UNC13B: variants seen among roughly 807,000 people sequenced by gnomAD.
The protein encoded by UNC13B is protein unc-13 homolog B.
In UNC13B, 144 loss-of-function variants were observed where a neutral mutation model predicts 211.0. The observed-to-expected ratio is 0.68, with a 90% CI of 0.60 to 0.78. The LOEUF (loss-of-function observed/expected upper bound fraction) is 0.78, where lower values mean the gene tolerates loss of function less well. UNC13B is among the 30% of genes least tolerant of loss of function. The pLI, the probability that UNC13B is intolerant of heterozygous loss-of-function variation, is 0.00. For missense variants in UNC13B, 1,777 were observed against 2,002.0 expected (o/e 0.89, Z 2.14); for synonymous variants, 709 against 725.8 (o/e 0.98, Z 0.37).
intron 7 of UNC13B, among the ~76,000 whole-genome samples, chr9:35,288,851 T>G (rs772129927): frequency 3.9e-5 from 6 of 152,204 alleles, no homozygotes; most frequent in Non-Finnish European, 8.8e-5. Context: ...GGCTCACAAT[T>G]GTGGTGAGAA....
chr9:35,260,289 A>C (rs752239938), intron 7 of UNC13B, among the ~76,000 whole-genome samples: 1 of 152,156 alleles, frequency 6.6e-6, no homozygotes, highest in Non-Finnish European at 1.5e-5. Flanking sequence ...TGCCATTCTG[A>C]GACTTTAAGT....
chr9:35,229,972 C>T (rs1259398415), intron 2 of UNC13B, among the ~76,000 whole-genome samples: 2 of 152,068 alleles, frequency 1.3e-5, no homozygotes, highest in East Asian at 1.9e-4. Context: ...GGATTAATTT[C>T]TTACATAGAA....
intron 11 of UNC13B, among the ~76,000 whole-genome samples, chr9:35,315,054 ATT>A (rs1156782392): frequency 2.1e-4 from 28 of 135,330 alleles, no homozygotes; most frequent in African/African-American, 3.6e-4. Context: ...TTTAAAAAAA[ATT>A]TTTTTTTTTT....
At chr9:35,349,317 G>A (rs2070510973) in intron 11 of UNC13B, among the ~76,000 whole-genome samples, 1 of 148,248 alleles carries the variant, frequency 6.7e-6, no homozygotes, top group Non-Finnish European at 1.5e-5. Context: ...GAGCAAATCA[G>A]GGATACCCAA....
chr9:35,353,472 G>C (rs1173638649), intron 11 of UNC13B: 1 of 1,232,086 alleles, frequency 8.1e-7, no homozygotes, highest in Admixed American at 4.2e-5. Context: ...GGGAGTCAGG[G>C]GAGTGAAAGC....
At chr9:35,351,574 G>C in intron 11 of UNC13B, 1 of 1,232,232 alleles carries the variant, frequency 8.1e-7, no homozygotes, top group South Asian at 4.1e-5. Context: ...TGGTTACCTT[G>C]GGACCCTCCT....
rs56280520 is a variant in UNC13B, at chr9:35,207,478, T to TTTTATTTATTTATTTA, written c.23-20516_23-20501dup. ...TGAACTCTGCAGAGAAGAAATTAAT[T>TTTTATTTATTTATTTA]TTTATTTATTTATTTATTTATTTAT... On this transcript the variant is annotated intron_variant, in intron 1 of 39. Transcript: ENST00000635942. Among the ~76,000 whole-genome samples, 981 of 143,034 alleles carry TTTTATTTATTTATTTA rather than the reference T, an allele frequency of 6.9e-3. 11 individuals carry two copies. The highest frequency in any genetic ancestry group is 0.012 in the African/African-American group (446 of 38,726). 93.8% of individuals were successfully genotyped at this position (143,034 alleles called of 152,430 possible).
rs748877214 is a variant in UNC13B at position 35,403,228 on chromosome 9, T to G, written c.12546T>G (p.Pro4182=). The G allele has an allele frequency of 6.2e-7, 1 of 1,614,186 alleles. No individual in the cohort carries two copies. Among genetic ancestry groups the G allele is most frequent in the South Asian group, 1.1e-5 (1 of 91,082 alleles). ...TTCAGGTGGACTTGTTTACACACCC[T>G]GGTACTGGGGAGCACAAGGTCACAG... ...VSIQVDLFTH[P]GTGEHKVTVK... is the part of the protein sequence containing the mutation. Residue 4182 remains proline (P), a synonymous_variant, in exon 38 of 40, where the codon CCT becomes CCG. Transcript: ENST00000635942.
intron 1 of UNC13B, among the ~76,000 whole-genome samples, chr9:35,195,640 C>T (rs1241446534): frequency 6.6e-6 from 1 of 152,168 alleles, no homozygotes; most frequent in Non-Finnish European, 1.5e-5. Context: ...CCTTTTCCTT[C>T]CAAGAAAAGG....
At chr9:35,384,459 C>T in intron 22 of UNC13B, 145 bp downstream of exon 22, 1 of 1,415,736 alleles carries the variant, frequency 7.1e-7, no homozygotes, top group East Asian at 2.4e-5. Context: ...ATGCTACTGA[C>T]ACCTGTGGTT....
At chr9:35,218,732 C>G (rs528864767) in intron 1 of UNC13B, among the ~76,000 whole-genome samples, 2 of 151,012 alleles carry the variant, frequency 1.3e-5, no homozygotes, top group Non-Finnish European at 3.0e-5. Context: ...AGTTAATGTT[C>G]GTGTTTTTCT....
At chr9:35,353,764 G>A (rs1587682819) in intron 11 of UNC13B, 3 of 1,232,084 alleles carry the variant, frequency 2.4e-6, no homozygotes, top group Non-Finnish European at 3.0e-6. Flanking sequence ...TTCTGCATGA[G>A]CTAGTACAGA....
chr9:35,309,482 G>A (rs1268366858), intron 9 of UNC13B, among the ~76,000 whole-genome samples: 2 of 152,110 alleles, frequency 1.3e-5, no homozygotes, highest in African/African-American at 4.8e-5. Context: ...TGACTCTGTG[G>A]TAAGAAAATT....
intron 10 of UNC13B, 123 bp from the exon 11 acceptor site, chr9:35,313,776 A>G: frequency 1.4e-6 from 1 of 709,736 alleles, no homozygotes; most frequent in Non-Finnish European, 2.5e-6. Context: ...AGCCTGAATC[A>G]CTAAATAAGT....
intron 11 of UNC13B, among the ~76,000 whole-genome samples, chr9:35,357,948 A>T (rs2085614958): frequency 6.6e-6 from 1 of 152,122 alleles, no homozygotes; most frequent in African/African-American, 2.4e-5. Flanking sequence ...GTAACTCCTC[A>T]TCCCATCTCA....
chr9:35,296,570 A>G (rs1829369531), intron 8 of UNC13B, among the ~76,000 whole-genome samples: 1 of 152,164 alleles, frequency 6.6e-6, no homozygotes, highest in Non-Finnish European at 1.5e-5. Context: ...GTATAAAAGC[A>G]AGTACATACA....
rs1244284582 is a variant in UNC13B at position 35,304,883 on chromosome 9, A to T, written c.5479A>T (p.Asn1827Tyr). 7.5e-6 allele frequency: 3 copies of T among 398,876 alleles called. No homozygotes were observed. The highest frequency in any genetic ancestry group is 6.2e-5 in the African/African-American group (3 of 48,644). The allele number at this position is 398,876 out of a possible 1,614,324, so 24.7% of individuals were successfully genotyped here. A position where few individuals can be genotyped will look rare whatever the true frequency, so the allele number is the denominator to read the frequency against. The change falls in exon 9 of 40, where the codon AAT becomes TAT. Residue 1827 changes from asparagine to tyrosine, a missense_variant. Coordinates refer to ENST00000635942, the MANE Select transcript of UNC13B (RefSeq NM_001371189.2). ...LKDSERQIVS[N>Y]VQHPELIKNI... ...GGATTCAGAAAGACAGATAGTATCC[A>T]ATGTTCAGCATCCAGAATTGATCAA...
At chr9:35,353,719 T>C (rs918675695) in intron 11 of UNC13B, 4 of 1,232,104 alleles carry the variant, frequency 3.2e-6, no homozygotes, top group Non-Finnish European at 4.0e-6. Flanking sequence ...ATTTTAAGAA[T>C]GTTCTAAGAG....
At position 35,302,743 on chromosome 9, in the gene UNC13B, A is replaced by G. The variant is rs977223524; in HGVS notation, c.3339A>G (p.Ser1113=). 5.0e-6 allele frequency: 2 copies of G among 398,546 alleles called. No homozygotes were observed. The highest frequency in any genetic ancestry group is 8.9e-6 in the Non-Finnish European group (2 of 225,750). The allele number at this position is 398,546 out of a possible 1,614,324, so 24.7% of individuals were successfully genotyped here. ...QAASSVASDS[S]LECISTTSKS... ...CATCTTCAGTAGCATCAGACTCTTC[A>G]TTAGAGTGTATTTCTACCACTTCCA... The change falls in exon 9 of 40, where the codon TCA becomes TCG. Residue 1113 remains serine (S), a synonymous_variant. Coordinates refer to ENST00000635942, the MANE Select transcript of UNC13B (RefSeq NM_001371189.2).
Sources: allele counts gnomAD v4.1 joint callset (sites outside exome capture counted in the v4.1 genomes callset), GRCh38; gene constraint gnomAD v4.1.1; transcripts MANE v1.5; gene names NCBI Gene and HGNC (gene_info 2026-07-23, HGNC 2026-07-21).